FCGR3A: variants seen among roughly 807,000 people sequenced by gnomAD.
FCGR3A encodes low affinity immunoglobulin gamma Fc region receptor III-A.
FCGR3A carries 13 observed loss-of-function variants against 24.1 expected under a neutral mutation model. That is an observed-to-expected ratio of 0.54 (90% confidence interval 0.35 to 0.86). FCGR3A has a LOEUF of 0.86. FCGR3A is among the 40% of genes least tolerant of loss of function. The pLI is 0.01. For missense variants in FCGR3A, 235 were observed against 298.0 expected, an observed-to-expected ratio of 0.79 and a Z score of 1.56; for synonymous variants, 93 against 112.2, an observed-to-expected ratio of 0.83 and a Z score of 1.08.
upstream of FCGR3A, chr1:161,549,840 C>T (rs1488040908): frequency 6.2e-7 from 1 of 1,613,104 alleles, no homozygotes; most frequent in African/African-American, 1.3e-5. Context: ...AGCCCCTCCA[C>T]CCATCTCTGT....
chr1:161,549,823 T>G, upstream of FCGR3A: 2 of 1,613,632 alleles, frequency 1.2e-6, no homozygotes, highest in Non-Finnish European at 8.5e-7. Context: ...GTAAACAGCC[T>G]TTCCCCAGCC....
intron 4 of FCGR3A, among the ~76,000 whole-genome samples, chr1:161,543,918 C>T (rs1219929328): frequency 9.2e-5 from 14 of 152,216 alleles, no homozygotes; most frequent in African/African-American, 3.4e-4. Context: ...TGCTACAGAA[C>T]CTAGAGATGT....
chr1:161,550,265 C>G (rs60553662), upstream of FCGR3A, among the ~76,000 whole-genome samples: 10 of 152,220 alleles, frequency 6.6e-5, no homozygotes, highest in African/African-American at 2.4e-4. Context: ...TTCAAATCTT[C>G]AGACCACTAG....
chr1:161,547,808 G>A (rs1677496274), intron 3 of FCGR3A, among the ~76,000 whole-genome samples: 1 of 152,294 alleles, frequency 6.6e-6, no homozygotes, highest in Non-Finnish European at 1.5e-5. Flanking sequence ...GGTGGCTCAC[G>A]CCTGTAGTCC....
intron 3 of FCGR3A, among the ~76,000 whole-genome samples, chr1:161,546,245 T>A (rs555935708): frequency 4.3e-4 from 65 of 152,186 alleles, no homozygotes; most frequent in African/African-American, 1.5e-3. Flanking sequence ...TGCCTATCTA[T>A]CCACTTACTT....
At chr1:161,548,031 A>G (rs1255329220) in intron 3 of FCGR3A, among the ~76,000 whole-genome samples, 1 of 152,302 alleles carries the variant, frequency 6.6e-6, no homozygotes, top group East Asian at 1.9e-4. Context: ...AGATTGCCGC[A>G]TTGCACTCCA....
chr1:161,550,249 G>T (rs486140), upstream of FCGR3A: 108 of 430,234 alleles, frequency 2.5e-4, 1 homozygote, highest in South Asian at 4.8e-3. Context: ...CACAGAAAGT[G>T]GTCCTTTCAA....
In FCGR3A at chr1:161,541,969, T is replaced by C. The variant is rs1042260; in HGVS notation, c.*1043A>G. The C allele has an allele frequency of 6.6e-6, 1 of 152,244 alleles. No individual in the cohort carries two copies. Among genetic ancestry groups the C allele is most frequent in the Admixed American group, 6.5e-5 (1 of 15,268 alleles). 9.4% of individuals were successfully genotyped at this position (152,244 alleles called of 1,614,324 possible). On this transcript the variant is annotated 3_prime_UTR_variant, in exon 5 of 5. Coordinates refer to ENST00000443193, the MANE Select transcript of FCGR3A (RefSeq NM_000569.8). ...CATGATGAAGGATTTGAAAGTTTCA[T>C]AACTTAACTCAGCGAAGCTCAGTAG...
chr1:161,546,680 C>T (rs1473557676), intron 3 of FCGR3A, among the ~76,000 whole-genome samples: 1 of 151,768 alleles, frequency 6.6e-6, no homozygotes. Context: ...CCGAGGTGGG[C>T]AGATCATGAA....
chr1:161,543,009 G>C lies in FCGR3A; in HGVS notation c.*3C>G. On this transcript the variant is annotated 3_prime_UTR_variant, in exon 5 of 5. Transcript: ENST00000443193. Reference sequence around the variant, plus strand: ...TGCTCTTATTACCCCCATGGGATGGGGGTCATTTGTCTTGAGGGTCCTTTC... The same window carrying C: ...TGCTCTTATTACCCCCATGGGATGGCGGTCATTTGTCTTGAGGGTCCTTTC... 1.9e-6 allele frequency: 3 copies of C among 1,606,616 alleles called. No homozygotes were observed. Among genetic ancestry groups the C allele is most frequent in the Non-Finnish European group, 2.6e-6 (3 of 1,175,618 alleles).
rs1677160027 is a variant in FCGR3A, at chr1:161,542,480, A to T, written c.*532T>A. On this transcript the variant is annotated 3_prime_UTR_variant, in exon 5 of 5. Coordinates refer to ENST00000443193, the MANE Select transcript of FCGR3A (RefSeq NM_000569.8). ...GGAAGACACCCTTATCTCTGGGCTC[A>T]GATGGGAACACCTCCCTTAGACTAT... 1.3e-5 allele frequency: 2 copies of T among 152,420 alleles called. No homozygotes were observed. Among genetic ancestry groups the T allele is most frequent in the Admixed American group, 1.3e-4 (2 of 15,282 alleles). The allele number at this position is 152,420 out of a possible 1,614,324, so 9.4% of individuals were successfully genotyped here.
In FCGR3A at chr1:161,548,557, A is replaced by T. The variant is rs1677571129; in HGVS notation, c.183T>A (p.Phe61Leu). The change falls in exon 3 of 5, where the codon TTT becomes TTA. Residue 61 changes from phenylalanine (F) to leucine (L), a missense_variant. Physicochemically the swap from Phe to Leu is conservative, Grantham distance 22. Coordinates refer to ENST00000443193, the MANE Select transcript of FCGR3A (RefSeq NM_000569.8). ...GGCTTGAGATGAGGCTCTCATTGTG[A>T]AACCACTGTGTGGAATTGTCCTCAG... is the stretch of plus-strand genomic sequence containing the variant. ...YSPEDNSTQW[F>L]HNESLISSQA... 1 of 1,614,012 alleles carries T rather than the reference A, an allele frequency of 6.2e-7. No homozygotes were observed. Among genetic ancestry groups the T allele is most frequent in the Non-Finnish European group, 8.5e-7 (1 of 1,179,872 alleles).
intron 2 of FCGR3A, 37 bp from the exon 3 acceptor site, chr1:161,548,715 G>T (rs1304360633): frequency 1.2e-6 from 2 of 1,613,604 alleles, no homozygotes; most frequent in Non-Finnish European, 1.7e-6. Context: ...AGGACAGGGA[G>T]AGGAGCAGGC....
chr1:161,549,312 G>A (rs4657064), intron 1 of FCGR3A, among the ~76,000 whole-genome samples: 49 of 147,080 alleles, frequency 3.3e-4, no homozygotes, highest in East Asian at 1.7e-3. Context: ...GAATTTCCCT[G>A]AACCAAGCTA....
intron 4 of FCGR3A, among the ~76,000 whole-genome samples, chr1:161,544,430 A>T (rs1343326900): frequency 1.3e-5 from 2 of 151,784 alleles, no homozygotes; most frequent in Non-Finnish European, 2.9e-5. Context: ...AGAGGTATTT[A>T]TTGGGGAGGA....
chr1:161,546,969 A>T (rs1290137414), intron 3 of FCGR3A, among the ~76,000 whole-genome samples: 1 of 152,044 alleles, frequency 6.6e-6, no homozygotes, highest in Non-Finnish European at 1.5e-5. Flanking sequence ...TGCTTCTCAG[A>T]GGAGGACATA....
In FCGR3A at chr1:161,544,930, C is replaced by T; in HGVS notation, c.348G>A (p.Trp116Ter). The change falls in exon 4 of 5, where the codon TGG becomes TGA. Residue 116 changes from tryptophan (W) to a stop codon, truncating the protein, a stop_gained. Coordinates refer to ENST00000443193, the MANE Select transcript of FCGR3A (RefSeq NM_000569.8). LOFTEE classifies it high-confidence loss of function. ...IGWLLLQAPR[W>*]VFKEEDPIHL... ...GAATAGGGTCTTCCTCCTTGAACAC[C>T]CACCGAGGGGCCTGGAGCAACAGCC... 1 of 1,611,904 alleles carries T rather than the reference C, an allele frequency of 6.2e-7. No homozygotes were observed. Among genetic ancestry groups the T allele is most frequent in the South Asian group, 1.1e-5 (1 of 90,960 alleles).
intron 3 of FCGR3A, among the ~76,000 whole-genome samples, chr1:161,547,035 A>G (rs1326829800): frequency 6.6e-6 from 1 of 152,118 alleles, no homozygotes; most frequent in Middle Eastern, 3.2e-3. Flanking sequence ...TGGTGAAGCT[A>G]ATTCTCATGG....
Position 161,543,306 on chromosome 1 carries a change from C to G in FCGR3A, c.578-107G>C. 3.0e-6 allele frequency: 4 copies of G among 1,325,490 alleles called. No individual in the cohort carries two copies. The South Asian group carries it at 4.1e-5, about 14-fold the overall frequency. The allele number at this position is 1,325,490 out of a possible 1,614,324, so 82.1% of individuals were successfully genotyped here. On this transcript the variant is annotated intron_variant, in intron 4 of 4. Coordinates refer to ENST00000443193, the MANE Select transcript of FCGR3A (RefSeq NM_000569.8). ...AAAGTCTTTGACAACAGCCAACAGG[C>G]AAGTGGTAGGAATGGTGGGGAAGTC...
Sources: gnomAD v4.1 joint callset for allele counts (sites outside exome capture counted in the v4.1 genomes callset) on GRCh38, gnomAD v4.1.1 for gene constraint, MANE v1.5 for transcripts, NCBI Gene and HGNC (gene_info 2026-07-23, HGNC 2026-07-21) for gene names.